The following UHRF2 variants were observed in gnomAD, a reference collection of about 807,000 sequenced individuals.
UHRF2 encodes E3 ubiquitin-protein ligase UHRF2.
UHRF2 carries 23 observed loss-of-function variants against 96.8 expected under a neutral mutation model. The ratio of observed to expected loss-of-function variants is 0.24; its 90% CI spans 0.17 to 0.34. UHRF2 has a LOEUF of 0.34. Among genes scored for constraint, UHRF2 ranks in the 10% least tolerant of loss-of-function variants. UHRF2 has a pLI of 1.00. For missense variants in UHRF2, 685 were observed against 981.5 expected (o/e 0.70, Z 4.04); for synonymous variants, 385 against 332.6 (o/e 1.16, Z -1.72).
intron 9 of UHRF2, chr9:6,492,634 A>C (rs1180794949): frequency 6.5e-6 from 1 of 152,964 alleles, no homozygotes; most frequent in Non-Finnish European, 1.5e-5. Flanking sequence ...TTTAGTAGAC[A>C]CAAAACATCA....
At chr9:6,455,464 G>T (rs1191908968) in intron 3 of UHRF2, among the ~76,000 whole-genome samples, 3 of 152,182 alleles carry the variant, frequency 2.0e-5, no homozygotes, top group African/African-American at 7.2e-5. Context: ...CAAAGGACAT[G>T]CACTTATCCT....
intron 3 of UHRF2, among the ~76,000 whole-genome samples, chr9:6,451,142 T>C (rs2130818637): frequency 6.6e-6 from 1 of 152,328 alleles, no homozygotes; most frequent in East Asian, 1.9e-4. Context: ...CTAACAATAC[T>C]TTCATATTGC....
At chr9:6,417,995 A>G (rs1368650101) in intron 1 of UHRF2, among the ~76,000 whole-genome samples, 3 of 152,192 alleles carry the variant, frequency 2.0e-5, no homozygotes, top group African/African-American at 7.2e-5. Flanking sequence ...CATTTTTGGA[A>G]ATATGCTACT....
chr9:6,426,611 C>T (rs1820274697), intron 2 of UHRF2, among the ~76,000 whole-genome samples: 1 of 152,172 alleles, frequency 6.6e-6, no homozygotes, highest in South Asian at 2.1e-4. Flanking sequence ...CTGGATAGCT[C>T]ATTCCATAAA....
chr9:6,451,872 C>T (rs759873022), intron 3 of UHRF2, among the ~76,000 whole-genome samples: 2 of 151,934 alleles, frequency 1.3e-5, no homozygotes, highest in African/African-American at 2.4e-5. Context: ...CAGTCTCTGC[C>T]TCCCTGGGTT....
In UHRF2 at chr9:6,499,870, G is replaced by A. The variant is rs1472329524; in HGVS notation, c.1944G>A (p.Lys648=). Residue 648 remains lysine (K), a synonymous_variant, in exon 13 of 16, where the codon AAG becomes AAA. Coordinates refer to ENST00000276893, the MANE Select transcript of UHRF2 (RefSeq NM_152896.3). The part of the protein sequence containing the change: ...PAGYPSDKEG[K]KPKGQSKKQP... ...GTTACCCTTCAGATAAAGAAGGGAA[G>A]AAGCCTAAAGGACAGTCAAAGAAGC... The A allele has an allele frequency of 6.2e-7, 1 of 1,612,148 alleles. No individual in the cohort carries two copies. Among genetic ancestry groups the A allele is most frequent in the Non-Finnish European group, 8.5e-7 (1 of 1,179,018 alleles).
intron 1 of UHRF2, among the ~76,000 whole-genome samples, chr9:6,416,770 G>A (rs543089622): frequency 6.6e-6 from 1 of 151,330 alleles, no homozygotes; most frequent in African/African-American, 2.4e-5. Flanking sequence ...CTCGTGATCC[G>A]CCCGCCTCGG....
chr9:6,467,063 C>A (rs1470368989), intron 4 of UHRF2, among the ~76,000 whole-genome samples: 1 of 152,150 alleles, frequency 6.6e-6, no homozygotes, highest in African/African-American at 2.4e-5. Context: ...GTAGCTTAAA[C>A]AATAAAGCAT....
intron 9 of UHRF2, among the ~76,000 whole-genome samples, chr9:6,493,112 A>C (rs1314668740): frequency 1.3e-5 from 2 of 152,142 alleles, no homozygotes; most frequent in Non-Finnish European, 2.9e-5. Flanking sequence ...AACATGGCCA[A>C]CATGACAAAA....
At chr9:6,488,540 C>CTTTTTT (rs58280407) in intron 9 of UHRF2, among the ~76,000 whole-genome samples, 968 of 83,732 alleles carry the variant, frequency 0.012, 1 homozygote, top group African/African-American at 0.02. Context: ...TTTTTCTTTT[C>CTTTTTT]TTTTTTTTTT....
intron 7 of UHRF2, 92 bp from the exon 8 acceptor site, chr9:6,481,900 A>G (rs758906167): frequency 1.9e-6 from 3 of 1,540,638 alleles, no homozygotes; most frequent in Non-Finnish European, 2.6e-6. Context: ...AAATTACATA[A>G]ACAGTTGGGT....
At chr9:6,468,502 A>G (rs988770939) in intron 4 of UHRF2, 14 of 455,976 alleles carry the variant, frequency 3.1e-5, no homozygotes, top group Non-Finnish European at 4.4e-5. Context: ...TAAGGCAGGT[A>G]GCTTTGTAGT....
chr9:6,481,920 C>A, intron 7 of UHRF2, 72 bp from the exon 8 acceptor site: 1 of 1,564,112 alleles, frequency 6.4e-7, no homozygotes, highest in Non-Finnish European at 8.7e-7. Flanking sequence ...TTCCTAGTCA[C>A]ATCTCAGAAT....
At position 6,463,284 on chromosome 9, in the gene UHRF2, TAA is replaced by T. The variant is rs77270598; in HGVS notation, c.863+2503_863+2504del. Among the ~76,000 whole-genome samples, 38 of 149,584 alleles carry T rather than the reference TAA, an allele frequency of 2.5e-4. No individual in the cohort carries two copies. In the East Asian group the frequency reaches 6.1e-3, roughly 24 times the overall value. ...CAACAAGAGTGAAACTTCGTCTCAA[TAA>T]AAAAAAAAAGACTTGAGTGGAAATT... On this transcript the variant is annotated intron_variant, in intron 4 of 15. Transcript: ENST00000276893.
chr9:6,434,125 A>C lies in UHRF2; in HGVS notation c.596A>C (p.Asp199Ala). 1 of 1,614,092 alleles carries C rather than the reference A, an allele frequency of 6.2e-7. No individual in the cohort carries two copies. Among genetic ancestry groups the C allele is most frequent in the Non-Finnish European group, 8.5e-7 (1 of 1,180,014 alleles). ...AGTGTACCCTCTACGTCTAATTCAG[A>C]CTGTGTTGCTGCTGATGAAGACGTT... ...LDSVPSTSNS[D>A]CVAADEDVIY... The change falls in exon 3 of 16, where the codon GAC becomes GCC. Residue 199 changes from aspartate to alanine, a missense_variant. Asp to Ala is a moderately radical substitution (Grantham distance 126). Transcript: ENST00000276893.
intron 3 of UHRF2, among the ~76,000 whole-genome samples, chr9:6,438,333 C>A (rs556437543): frequency 1.3e-5 from 2 of 152,150 alleles, no homozygotes; most frequent in Non-Finnish European, 2.9e-5. Flanking sequence ...CAAAGAGAAT[C>A]TATGAAGTTA....
intron 14 of UHRF2, among the ~76,000 whole-genome samples, chr9:6,502,897 T>C (rs1816377484): frequency 6.6e-6 from 1 of 152,254 alleles, no homozygotes; most frequent in East Asian, 1.9e-4. Flanking sequence ...CTGTAATATA[T>C]TTGACTTTAA....
At chr9:6,434,437 C>G (rs1475290782) in intron 3 of UHRF2, 1 of 249,834 alleles carries the variant, frequency 4.0e-6, no homozygotes, top group African/African-American at 2.6e-5. Context: ...GTCTTTTTCT[C>G]TATTAGGTGG....
chr9:6,486,952 T>G (rs780042443), intron 9 of UHRF2, 27 bp downstream of exon 9: 1 of 1,601,870 alleles, frequency 6.2e-7, no homozygotes, highest in Middle Eastern at 1.7e-4. Context: ...CCTTACTCAT[T>G]AGTACCTGCC....
Sources: gnomAD v4.1 joint callset for allele counts (sites outside exome capture counted in the v4.1 genomes callset) on GRCh38, gnomAD v4.1.1 for gene constraint, MANE v1.5 for transcripts, NCBI Gene and HGNC (gene_info 2026-07-23, HGNC 2026-07-21) for gene names.